Variants in RSPH10B observed in about 807,000 individuals in gnomAD.
The protein encoded by RSPH10B is radial spoke head 10 homolog B (Chlamydomonas).
A neutral mutation model predicts 52.5 loss-of-function variants in RSPH10B; 7 were observed. The observed-to-expected ratio is 0.13, with a 90% CI of 0.08 to 0.25. RSPH10B has a LOEUF of 0.25. Among genes scored for constraint, RSPH10B ranks in the 10% least tolerant of loss-of-function variants. The pLI is 1.00. For synonymous variants in RSPH10B, 28 were observed against 193.2 expected (o/e 0.14, Z 7.09); for missense variants, 89 against 542.5 (o/e 0.16, Z 8.30).
intron 13 of RSPH10B, among the ~76,000 whole-genome samples, chr7:5,942,910 A>ATT (rs200162130): frequency 1.6e-5 from 2 of 124,514 alleles, no homozygotes; most frequent in African/African-American, 6.1e-5. Flanking sequence ...ATATATATTT[A>ATT]TTTATATATA....
At chr7:5,938,009 G>GCC (rs1309179432) in intron 14 of RSPH10B, 108 bp from the exon 17 acceptor site, 2 of 697,714 alleles carry the variant, frequency 2.9e-6, no homozygotes, top group Admixed American at 2.5e-5. Context: ...ATGCACGTTT[G>GCC]CCCACACACA....
intron 17 of RSPH10B, among the ~76,000 whole-genome samples, chr7:5,931,391 C>A (rs1251612241): frequency 6.6e-6 from 1 of 151,442 alleles, no homozygotes; most frequent in Non-Finnish European, 1.5e-5. Flanking sequence ...CTTTAAAAGT[C>A]CACCATTGAG....
At chr7:5,942,633 G>A (rs1468440204) in intron 13 of RSPH10B, among the ~76,000 whole-genome samples, 19 of 148,074 alleles carry the variant, frequency 1.3e-4, no homozygotes, top group African/African-American at 4.3e-4. Context: ...AGGCTGAGGC[G>A]GGTGGATCAC....
intron 11 of RSPH10B, among the ~76,000 whole-genome samples, chr7:5,944,216 G>A (rs994717875): frequency 2.6e-5 from 4 of 151,138 alleles, no homozygotes; most frequent in African/African-American, 9.8e-5. Flanking sequence ...GGCCAACATG[G>A]TGGAACCCCA....
intron 7 of RSPH10B, among the ~76,000 whole-genome samples, chr7:5,955,164 CA>C (rs1322313174): frequency 9.8e-5 from 13 of 132,204 alleles, no homozygotes; most frequent in Admixed American, 5.3e-4. Context: ...AACTCTGTCT[CA>C]AAAAAAAGAA....
rs1248518858 is a variant in RSPH10B, at chr7:5,953,483, TGGGA to T, written c.958-268_958-265del. On this transcript the variant is annotated intron_variant, in intron 7 of 18. Coordinates refer to ENST00000337579, the Ensembl canonical transcript of RSPH10B. The stretch of plus-strand genomic sequence containing the variant: ...CTGAGGCAGGAGAATCGCTTGAACC[TGGGA>T]GGCAGAGGTTGCAGTGAGCCAAGAT... The T allele has an allele frequency of 6.6e-5, 5 of 75,470 alleles. No homozygotes were observed. In the Admixed American group the frequency reaches 7.3e-4, roughly 11 times the overall value. 4.7% of individuals were successfully genotyped at this position (75,470 alleles called of 1,614,324 possible).
chr7:5,927,039 G>GTA (rs1311892560), intron 18 of RSPH10B, among the ~76,000 whole-genome samples: 1 of 41,254 alleles, frequency 2.4e-5, no homozygotes, highest in Non-Finnish European at 4.9e-5. Context: ...GTGTGTGTGT[G>GTA]TGTGTGTATT....
intron 1 of RSPH10B, among the ~76,000 whole-genome samples, chr7:5,966,501 T>A (rs550670443): frequency 1.1e-5 from 1 of 87,146 alleles, no homozygotes; most frequent in African/African-American, 4.2e-5. Flanking sequence ...TTTAAATACA[T>A]AAAATTACCT....
chr7:5,968,674 TTC>T (rs1489638404), upstream of RSPH10B, among the ~76,000 whole-genome samples: 961 of 68,172 alleles, frequency 0.014, 196 homozygotes, highest in Non-Finnish European at 0.027. Context: ...ACCTGGCTAA[TTC>T]TTTTTGTATT....
Position 5,938,429 on chromosome 7 carries a change from T to C in RSPH10B, c.1866+293A>G, listed in dbSNP as rs1254541073. 2.9e-5 allele frequency among the ~76,000 whole-genome samples: 3 copies of C among 102,626 alleles called. No homozygotes were observed. The South Asian group carries it at 8.6e-4, about 29-fold the overall frequency. The allele number at this position is 102,626 out of a possible 152,430, so 67.3% of individuals were successfully genotyped here. On this transcript the variant is annotated intron_variant, in intron 14 of 18. Transcript: ENST00000337579. The stretch of plus-strand genomic sequence containing the variant: ...AAAAAAAATACAAAAAAAAAAAAAA[T>C]TAGCCGGGCGTGGTGGCGGGCGCCT...
At chr7:5,927,070 ATG>A (rs748036363) in intron 18 of RSPH10B, among the ~76,000 whole-genome samples, 15,232 of 110,200 alleles carry the variant, frequency 0.14, 617 homozygotes, top group South Asian at 0.19. Context: ...GTGTGTGTAT[ATG>A]TGTGTGTGTG....
chr7:5,943,141 G>C, intron 13 of RSPH10B, 183 bp downstream of exon 15: 1 of 1,331,946 alleles, frequency 7.5e-7, no homozygotes. Flanking sequence ...GGCTGTTTCT[G>C]TTCCTTCCAC....
At chr7:5,927,341 C>T (rs1779552458) in intron 18 of RSPH10B, among the ~76,000 whole-genome samples, 1 of 50,968 alleles carries the variant, frequency 2.0e-5, no homozygotes, top group Non-Finnish European at 4.0e-5. Context: ...GCCTTGGCAC[C>T]CCAAAGTGCT....
chr7:5,929,181 G>T (rs1212351552), intron 17 of RSPH10B, among the ~76,000 whole-genome samples: 3 of 144,374 alleles, frequency 2.1e-5, no homozygotes, highest in Non-Finnish European at 4.5e-5. Flanking sequence ...GAGGCTAATT[G>T]TTTTAAGTAT....
intron 18 of RSPH10B, among the ~76,000 whole-genome samples, chr7:5,927,048 T>TATATATGTGTGTATATA (rs1347951159): frequency 1.4e-5 from 1 of 70,900 alleles, no homozygotes; most frequent in South Asian, 3.7e-4. Flanking sequence ...TGTGTGTGTA[T>TATATATGTGTGTATATA]TATGTGTGTG....
chr7:5,941,753 A>G (rs1408427273), intron 13 of RSPH10B, among the ~76,000 whole-genome samples: 1 of 141,328 alleles, frequency 7.1e-6, no homozygotes, highest in South Asian at 2.1e-4. Flanking sequence ...AAAAAAAAAA[A>G]GTATCATGGA....
chr7:5,954,263 C>T (rs1254784744), intron 7 of RSPH10B, among the ~76,000 whole-genome samples: 1 of 72,362 alleles, frequency 1.4e-5, no homozygotes, highest in Admixed American at 1.7e-4. Context: ...CTCAGCCTCC[C>T]GAGTGGCTGG....
chr7:5,927,024 T>C (rs1307018247), intron 18 of RSPH10B, among the ~76,000 whole-genome samples: 106 of 28,132 alleles, frequency 3.8e-3, no homozygotes, highest in African/African-American at 0.015. Flanking sequence ...CAAAGTTACG[T>C]GTGTGTGTGT....
intron 4 of RSPH10B, 83 bp from the exon 7 acceptor site, chr7:5,959,161 AG>A (rs1780844399): frequency 7.7e-6 from 6 of 781,556 alleles, no homozygotes; most frequent in Non-Finnish European, 1.2e-5. Flanking sequence ...TAACTTGAAA[AG>A]TAGAACCTAC....
Sources: allele counts gnomAD v4.1 joint callset (sites outside exome capture counted in the v4.1 genomes callset), GRCh38; gene constraint gnomAD v4.1.1; transcripts MANE v1.5; gene names NCBI Gene and HGNC (gene_info 2026-07-23, HGNC 2026-07-21).